FRAS1: variants seen among roughly 807,000 people sequenced by gnomAD.
FRAS1 encodes extracellular matrix organizing protein FRAS1.
A neutral mutation model predicts 435.2 loss-of-function variants in FRAS1; 290 were observed. The observed-to-expected ratio is 0.67, with a 90% CI of 0.61 to 0.73. The LOEUF (loss-of-function observed/expected upper bound fraction) is 0.73. FRAS1 is among the 30% of genes least tolerant of loss of function. The pLI is 0.00. For missense variants in FRAS1, 4,860 were observed against 5,001.5 expected, an observed-to-expected ratio of 0.97 and a Z score of 0.85; for synonymous variants, 1,800 against 1,851.0, an observed-to-expected ratio of 0.97 and a Z score of 0.71.
At chr4:78,208,292 C>A (rs1723348915) in intron 2 of FRAS1, among the ~76,000 whole-genome samples, 1 of 152,178 alleles carries the variant, frequency 6.6e-6, no homozygotes, top group African/African-American at 2.4e-5. Context: ...AGAATCTGAA[C>A]TGCAGCCTTG....
chr4:78,543,127 C>G lies in FRAS1; in HGVS notation c.*2003C>G, dbSNP rs1722107032. ...TCTGAAACTCCTGACTGGTCAGGTGCTACTTAAGACCAGCTTGGGCAATTC... is the reference window on the plus strand; with the variant it reads ...TCTGAAACTCCTGACTGGTCAGGTGGTACTTAAGACCAGCTTGGGCAATTC... On this transcript the variant is annotated 3_prime_UTR_variant, in exon 74 of 74. Transcript: ENST00000512123. 1 of 152,130 alleles carries G rather than the reference C, an allele frequency of 6.6e-6. No homozygotes were observed. Among genetic ancestry groups the G allele is most frequent in the African/African-American group, 2.4e-5 (1 of 41,418 alleles). The allele number at this position is 152,130 out of a possible 1,614,324, so 9.4% of individuals were successfully genotyped here. A position where few individuals can be genotyped will look rare whatever the true frequency, so the allele number is the denominator to read the frequency against.
At chr4:78,371,564 G>A (rs1731509795) in intron 23 of FRAS1, among the ~76,000 whole-genome samples, 1 of 151,972 alleles carries the variant, frequency 6.6e-6, no homozygotes, top group Admixed American at 6.5e-5. Context: ...TATGAAATGG[G>A]TACTATTCTC....
intron 14 of FRAS1, among the ~76,000 whole-genome samples, chr4:78,305,510 G>A (rs926150859): frequency 3.9e-4 from 58 of 148,668 alleles, no homozygotes; most frequent in Non-Finnish European, 7.6e-4. Context: ...TCTCTTTGTA[G>A]GTCGCTAAGG....
chr4:78,201,273 A>G (rs951500487), intron 2 of FRAS1, among the ~76,000 whole-genome samples: 7 of 152,238 alleles, frequency 4.6e-5, no homozygotes, highest in African/African-American at 1.4e-4. Context: ...ATATGAAGAT[A>G]CTATAGTTAT....
At chr4:78,113,526 G>A (rs1221347396) in intron 2 of FRAS1, among the ~76,000 whole-genome samples, 4 of 152,142 alleles carry the variant, frequency 2.6e-5, no homozygotes, top group Non-Finnish European at 4.4e-5. Context: ...CATTCTAACT[G>A]GTGTGAGATG....
In FRAS1 at chr4:78,237,617, G is replaced by T; in HGVS notation, c.216G>T (p.Lys72Asn). The T allele has an allele frequency of 1.3e-6, 2 of 1,573,426 alleles. No individual in the cohort carries two copies. Among genetic ancestry groups the T allele is most frequent in the Non-Finnish European group, 1.7e-6 (2 of 1,147,956 alleles). The change falls in exon 3 of 74, where the codon AAG becomes AAT. Residue 72 changes from lysine (K) to asparagine (N), a missense_variant and splice_region_variant. Transcript: ENST00000512123. ...VCRNPQCAFE[K>N]GEVLQIAANQ... ...GAAACCCTCAATGTGCCTTTGAGAA[G>T]GTACGGTATCCTAATTGTGTCCTAA... is the stretch of plus-strand genomic sequence containing the variant.
intron 47 of FRAS1, among the ~76,000 whole-genome samples, chr4:78,463,653 T>G (rs1719437502): frequency 6.6e-6 from 1 of 152,204 alleles, no homozygotes; most frequent in Non-Finnish European, 1.5e-5. Context: ...CAGAAAGGAC[T>G]GTGAAGCTTG....
At chr4:78,221,470 A>G (rs1724047460) in intron 2 of FRAS1, among the ~76,000 whole-genome samples, 1 of 152,256 alleles carries the variant, frequency 6.6e-6, no homozygotes, top group African/African-American at 2.4e-5. Flanking sequence ...TTATTTATGC[A>G]GATCATCTAA....
At position 78,418,999 on chromosome 4, in the gene FRAS1, A is replaced by G; in HGVS notation, c.4476A>G (p.Ile1492Met). 6.2e-7 allele frequency: 1 copy of G among 1,603,600 alleles called. No individual in the cohort carries two copies. Among genetic ancestry groups the G allele is most frequent in the Non-Finnish European group, 8.5e-7 (1 of 1,176,436 alleles). The change falls in exon 33 of 74, where the codon ATA becomes ATG. Residue 1492 changes from isoleucine (I) to methionine (M), a missense_variant. Ile to Met is a conservative substitution (Grantham distance 10, BLOSUM62 1). Transcript: ENST00000512123. ...TVIQPHSLSF[I>M]NSEKPSGKIV... The stretch of plus-strand genomic sequence containing the variant: ...TTCAGCCTCATTCCCTCTCCTTCAT[A>G]AACTCTGAGAAGCCAAGTGGAAAGA...
intron 2 of FRAS1, among the ~76,000 whole-genome samples, chr4:78,089,492 G>A (rs552667816): frequency 2.0e-5 from 3 of 152,084 alleles, no homozygotes; most frequent in African/African-American, 7.2e-5. Flanking sequence ...AGAACCCAAG[G>A]GGCCTTTGTA....
At chr4:78,489,968 C>A (rs73828004) in intron 59 of FRAS1, among the ~76,000 whole-genome samples, 3,245 of 92,496 alleles carry the variant, frequency 0.035, 81 homozygotes, top group African/African-American at 0.081. Flanking sequence ...TAGTGGAAAA[C>A]AAAAAAAAAA....
At chr4:78,278,848 C>A in intron 10 of FRAS1, 104 bp downstream of exon 10, 1 of 730,772 alleles carries the variant, frequency 1.4e-6, no homozygotes, top group Non-Finnish European at 2.4e-6. Flanking sequence ...ATTTGTTCAA[C>A]AAATGTTATT....
rs372115283 is a variant in FRAS1 at position 78,448,305 on chromosome 4, A to G, written c.6263A>G (p.Gln2088Arg). 3.1e-6 allele frequency: 5 copies of G among 1,606,568 alleles called. No homozygotes were observed. The African/African-American group carries it at 6.7e-5, about 21-fold the overall frequency. The change falls in exon 44 of 74, where the codon CAG (glutamine) becomes CGG (arginine). Residue 2088 changes from glutamine to arginine, a missense_variant. Transcript: ENST00000512123. ...CACTTGGCTATAAACCAAGGCCTAC[A>G]GCTCTCAGCAGGTACCACAGAAATA... ...TPHLAINQGL[Q>R]LSAGSVARIT...
At chr4:78,305,404 T>C (rs1005634295) in intron 14 of FRAS1, among the ~76,000 whole-genome samples, 2 of 150,494 alleles carry the variant, frequency 1.3e-5, no homozygotes, top group African/African-American at 4.9e-5. Context: ...TGAGTTCAAT[T>C]CCTGGGTATC....
In FRAS1 at chr4:78,319,842, C is replaced by A. The variant is rs564450324; in HGVS notation, c.2137+856C>A. ...TCCCAGTGAAATGTGGGTTTCAAGA[C>A]TAGGTTAAAAGATTTCAGGCACAAG... On this transcript the variant is annotated intron_variant, in intron 18 of 73. Transcript: ENST00000512123. 3.3e-5 allele frequency among the ~76,000 whole-genome samples: 5 copies of A among 152,284 alleles called. 1 individual carries two copies. Among genetic ancestry groups the A allele is most frequent in the African/African-American group, 1.2e-4 (5 of 41,556 alleles).
intron 38 of FRAS1, among the ~76,000 whole-genome samples, chr4:78,433,790 C>A (rs1433657736): frequency 3.9e-5 from 6 of 152,198 alleles, no homozygotes; most frequent in Admixed American, 2.0e-4. Context: ...CAGACGATCA[C>A]CAGAGCTTGA....
At chr4:78,375,680 T>C (rs1055085883) in intron 25 of FRAS1, 59 bp from the exon 26 acceptor site, 2 of 1,466,020 alleles carry the variant, frequency 1.4e-6, no homozygotes, top group African/African-American at 2.9e-5. Context: ...AAGCCCTTTA[T>C]TTCTTTGTCG....
Position 78,171,608 on chromosome 4 carries a change from G to A in FRAS1, c.109-65902G>A, listed in dbSNP as rs576980653. On this transcript the variant is annotated intron_variant, in intron 2 of 73. Coordinates refer to ENST00000512123, the MANE Select transcript of FRAS1 (RefSeq NM_025074.7). Reference sequence around the variant, plus strand: ...AGCTTCCACGGGGACTCCCTTTGTAGCTTCTCTTACCACTCTTTCCATGGC... The same window carrying A: ...AGCTTCCACGGGGACTCCCTTTGTAACTTCTCTTACCACTCTTTCCATGGC... Among the ~76,000 whole-genome samples the A allele has an allele frequency of 1.6e-4, 25 of 152,162 alleles. No homozygotes were observed. The South Asian group carries it at 5.0e-3, about 30-fold the overall frequency.
rs139954590 is a variant in FRAS1, at chr4:78,407,740, G to A, written c.4207G>A (p.Ala1403Thr). 16 of 1,613,832 alleles carry A rather than the reference G, an allele frequency of 9.9e-6. No homozygotes were observed. The highest frequency in any genetic ancestry group is 3.3e-4 in the Middle Eastern group (2 of 6,058). Residue 1403 changes from alanine (A) to threonine (T), a missense_variant, in exon 31 of 74, where the codon GCT (alanine) becomes ACT (threonine). Ala to Thr is a moderately conservative substitution (Grantham distance 58). Transcript: ENST00000512123. The stretch of plus-strand genomic sequence containing the variant: ...GCAGCACCTGCCTGATGGGAGGACA[G>A]CTACCCCCACCAGCACCTTCACCCA... ...EGQHLPDGRT[A>T]TPTSTFTQQD...
Sources: allele counts gnomAD v4.1 joint callset (sites outside exome capture counted in the v4.1 genomes callset), GRCh38; gene constraint gnomAD v4.1.1; transcripts MANE v1.5; gene names NCBI Gene and HGNC (gene_info 2026-07-23, HGNC 2026-07-21).